The following EYS variants were observed in gnomAD, a reference collection of about 807,000 sequenced individuals.
EYS encodes EGF-like photoreceptor maintenance factor.
Under a neutral mutation model 282.1 loss-of-function variants are expected in EYS, and 250 were observed. That is an observed-to-expected ratio of 0.89 (90% confidence interval 0.80 to 0.98). The LOEUF is 0.98. Among genes scored for constraint, EYS ranks in the 50% least tolerant of loss-of-function variants. EYS has a pLI of 0.00. For synonymous variants in EYS, 1,355 were observed against 1,282.9 expected, an observed-to-expected ratio of 1.06 and a Z score of -1.20; for missense variants, 4,016 against 3,709.0, an observed-to-expected ratio of 1.08 and a Z score of -2.15.
chr6:64,369,110 C>A (rs570840107), intron 29 of EYS, among the ~76,000 whole-genome samples: 1 of 152,094 alleles, frequency 6.6e-6, no homozygotes, highest in East Asian at 1.9e-4. Context: ...TAGTTCCAAT[C>A]TTCTGCATAT....
rs116744553 is a variant in EYS, at chr6:64,745,677, G to A, written c.3443+67701C>T. On this transcript the variant is annotated intron_variant, in intron 22 of 42. Coordinates refer to ENST00000503581, the MANE Select transcript of EYS (RefSeq NM_001142800.2). ...AATATTTTAAAACTTATTAGCCACTGTAATCCAGAAAAATGGTACCCCTAT... is the reference window on the plus strand; with the variant it reads ...AATATTTTAAAACTTATTAGCCACTATAATCCAGAAAAATGGTACCCCTAT... Among the ~76,000 whole-genome samples, 773 of 152,260 alleles carry A rather than the reference G, an allele frequency of 5.1e-3. 5 individuals carry two copies. Among genetic ancestry groups the A allele is most frequent in the African/African-American group, 0.018 (735 of 41,560 alleles).
intron 26 of EYS, among the ~76,000 whole-genome samples, chr6:64,446,782 A>G (rs1775131579): frequency 6.6e-6 from 1 of 152,102 alleles, no homozygotes; most frequent in African/African-American, 2.4e-5. Context: ...ATTTGGTCCC[A>G]TATCTGGTAG....
At chr6:64,273,554 T>C (rs1171362372) in intron 30 of EYS, among the ~76,000 whole-genome samples, 2 of 152,216 alleles carry the variant, frequency 1.3e-5, no homozygotes, top group African/African-American at 4.8e-5. Context: ...CTCATAATTC[T>C]TTTGAGGACT....
chr6:64,949,142 G>A (rs919033939), intron 14 of EYS, among the ~76,000 whole-genome samples: 1 of 151,766 alleles, frequency 6.6e-6, no homozygotes, highest in African/African-American at 2.4e-5. Context: ...TAGTATATTA[G>A]TTTTCTCTTA....
intron 12 of EYS, among the ~76,000 whole-genome samples, chr6:65,087,718 T>C (rs1774424270): frequency 6.6e-6 from 1 of 152,180 alleles, no homozygotes. Flanking sequence ...AATATGTATA[T>C]TTGCTTGAAT....
At chr6:64,523,769 T>C (rs1156260716) in intron 26 of EYS, among the ~76,000 whole-genome samples, 1 of 151,716 alleles carries the variant, frequency 6.6e-6, no homozygotes, top group Admixed American at 6.6e-5. Flanking sequence ...AAATTCAGAT[T>C]TAGAATGGTG....
At chr6:64,520,067 G>A (rs1333581542) in intron 26 of EYS, among the ~76,000 whole-genome samples, 3 of 151,790 alleles carry the variant, frequency 2.0e-5, no homozygotes, top group Non-Finnish European at 2.9e-5. Context: ...GAGAAAGGAG[G>A]AGAAACAGGT....
At chr6:64,676,562 C>T (rs934200780) in intron 22 of EYS, among the ~76,000 whole-genome samples, 2 of 151,754 alleles carry the variant, frequency 1.3e-5, no homozygotes, top group African/African-American at 2.4e-5. Flanking sequence ...AACCTACAAC[C>T]AAAATTAAAT....
chr6:65,554,910 C>A (rs545357836), intron 2 of EYS, among the ~76,000 whole-genome samples: 2 of 152,028 alleles, frequency 1.3e-5, no homozygotes, highest in African/African-American at 4.8e-5. Flanking sequence ...ATATATTTCA[C>A]TACAAAACTC....
chr6:65,426,408 A>G (rs1254732010), intron 5 of EYS, among the ~76,000 whole-genome samples: 1 of 152,140 alleles, frequency 6.6e-6, no homozygotes, highest in Non-Finnish European at 1.5e-5. Flanking sequence ...ATGGATATAC[A>G]TAAATAAATA....
chr6:63,821,438 G>A (rs887384427), intron 36 of EYS: 1 of 152,178 alleles, frequency 6.6e-6, no homozygotes, highest in African/African-American at 2.4e-5. Context: ...AAGAGGGAAG[G>A]GTTTTAGAAA....
chr6:63,942,134 C>G (rs1203377014), intron 35 of EYS, among the ~76,000 whole-genome samples: 3 of 152,112 alleles, frequency 2.0e-5, no homozygotes, highest in African/African-American at 4.8e-5. Flanking sequence ...TGATTACACA[C>G]AGCACTCTAT....
At chr6:65,135,576 A>G (rs190016486) in intron 12 of EYS, among the ~76,000 whole-genome samples, 154 of 152,162 alleles carry the variant, frequency 1.0e-3, no homozygotes, top group Non-Finnish European at 1.8e-3. Flanking sequence ...TTATTTATAG[A>G]TGGTTTAGCA....
At chr6:63,969,424 TG>T (rs1398097259) in intron 35 of EYS, among the ~76,000 whole-genome samples, 1 of 152,224 alleles carries the variant, frequency 6.6e-6, no homozygotes, top group Non-Finnish European at 1.5e-5. Context: ...TTATTTCCAC[TG>T]TCTAAATTCT....
intron 18 of EYS, among the ~76,000 whole-genome samples, chr6:64,896,111 A>G (rs1277018920): frequency 1.3e-5 from 2 of 152,178 alleles, no homozygotes; most frequent in Non-Finnish European, 2.9e-5. Context: ...CCATAAGAAG[A>G]AAAAACATTA....
chr6:65,635,238 A>G (rs948499963), intron 2 of EYS, among the ~76,000 whole-genome samples: 1 of 152,188 alleles, frequency 6.6e-6, no homozygotes, highest in African/African-American at 2.4e-5. Flanking sequence ...TCTTGTCAAC[A>G]GGAAGAAGCT....
intron 2 of EYS, among the ~76,000 whole-genome samples, chr6:65,525,622 A>T (rs1341650491): frequency 6.6e-6 from 1 of 152,226 alleles, no homozygotes; most frequent in African/African-American, 2.4e-5. Flanking sequence ...AGTGGAGATC[A>T]GCAACACAGA....
At chr6:65,015,338 A>T (rs993104228) in intron 13 of EYS, among the ~76,000 whole-genome samples, 4 of 152,210 alleles carry the variant, frequency 2.6e-5, no homozygotes, top group African/African-American at 9.6e-5. Context: ...CTAATTTGTG[A>T]TGAAAATTGG....
intron 31 of EYS, among the ~76,000 whole-genome samples, chr6:64,151,735 C>T (rs151159851): frequency 1.7e-3 from 264 of 152,042 alleles, no homozygotes; most frequent in Middle Eastern, 0.01. Flanking sequence ...GTATTTCAAA[C>T]AATCTTGAAA....
Sources: gnomAD v4.1 joint callset for allele counts (sites outside exome capture counted in the v4.1 genomes callset) on GRCh38, gnomAD v4.1.1 for gene constraint, MANE v1.5 for transcripts, NCBI Gene and HGNC (gene_info 2026-07-23, HGNC 2026-07-21) for gene names.